The following ENTREP2 variants were observed in gnomAD, a reference collection of about 807,000 sequenced individuals.
ENTREP2 encodes the protein endosomal transmembrane epsin interactor 2, also known as protein ENTREP2.
At chr15:29,128,384 G>A in the ENTREP2 span, among the ~76,000 whole-genome samples, 2 of 152,132 alleles carry the variant, frequency 1.3e-5, no homozygotes, top group East Asian at 1.9e-4. Flanking sequence ...CCTGCCAGCC[G>A]CCCAGCCCAG....
At chr15:29,338,446 A>T in the ENTREP2 span, among the ~76,000 whole-genome samples, 1 of 151,696 alleles carries the variant, frequency 6.6e-6, no homozygotes, top group Non-Finnish European at 1.5e-5. Flanking sequence ...AAAAAAGAAA[A>T]GAAAAAAAAG....
chr15:29,652,616 C>T, the ENTREP2 span, among the ~76,000 whole-genome samples: 1 of 152,192 alleles, frequency 6.6e-6, no homozygotes, highest in African/African-American at 2.4e-5. Flanking sequence ...TTCTTGGAGT[C>T]TCTGAGCTTC....
At chr15:29,421,937 A>G in the ENTREP2 span, among the ~76,000 whole-genome samples, 3 of 152,186 alleles carry the variant, frequency 2.0e-5, no homozygotes, top group East Asian at 5.8e-4. Context: ...GCCAGATGCT[A>G]AAGACAGCAT....
chr15:29,567,783 C>A, the ENTREP2 span, among the ~76,000 whole-genome samples: 1 of 152,186 alleles, frequency 6.6e-6, no homozygotes, highest in Non-Finnish European at 1.5e-5. Context: ...AATTTTGTTT[C>A]TTAAATCCAG....
the ENTREP2 span, among the ~76,000 whole-genome samples, chr15:29,521,912 T>C: frequency 2.7e-3 from 405 of 152,268 alleles, 2 homozygotes; most frequent in Middle Eastern, 6.8e-3. Context: ...CAGTGTGGTG[T>C]TGGCATCAAG....
At chr15:29,468,788 A>AT in the ENTREP2 span, among the ~76,000 whole-genome samples, 32 of 152,118 alleles carry the variant, frequency 2.1e-4, no homozygotes, top group African/African-American at 7.0e-4. Flanking sequence ...CAACACATAC[A>AT]TTTTTAACAA....
the ENTREP2 span, among the ~76,000 whole-genome samples, chr15:29,335,110 G>A: frequency 2.0e-5 from 3 of 152,120 alleles, no homozygotes; most frequent in African/African-American, 7.2e-5. Context: ...GTCTGTCTCT[G>A]GGTCATCCTG....
At chr15:29,579,426 T>C in the ENTREP2 span, among the ~76,000 whole-genome samples, 30 of 152,156 alleles carry the variant, frequency 2.0e-4, no homozygotes, top group Admixed American at 7.2e-4. Flanking sequence ...AGTGGTAACC[T>C]GGACCATTCA....
At chr15:29,267,031 G>A in the ENTREP2 span, 4 of 152,358 alleles carry the variant, frequency 2.6e-5, no homozygotes, top group East Asian at 7.7e-4. Context: ...GCAGGAAGGA[G>A]TTTATACACT....
At chr15:29,589,721 T>C in the ENTREP2 span, among the ~76,000 whole-genome samples, 1 of 152,148 alleles carries the variant, frequency 6.6e-6, no homozygotes, top group African/African-American at 2.4e-5. Flanking sequence ...TTTGTCTGCG[T>C]CAGATTAGTC....
the ENTREP2 span, among the ~76,000 whole-genome samples, chr15:29,531,494 G>T: frequency 1.3e-5 from 2 of 152,148 alleles, no homozygotes; most frequent in Non-Finnish European, 2.9e-5. Flanking sequence ...AACATGAAGG[G>T]CAGCCCTGGG....
At chr15:29,342,123 T>C in the ENTREP2 span, among the ~76,000 whole-genome samples, 6 of 152,178 alleles carry the variant, frequency 3.9e-5, no homozygotes, top group Admixed American at 3.9e-4. Context: ...GAAGGTGCCC[T>C]GATTCTGGCT....
At chr15:29,341,665 G>T in the ENTREP2 span, among the ~76,000 whole-genome samples, 1 of 152,180 alleles carries the variant, frequency 6.6e-6, no homozygotes, top group Non-Finnish European at 1.5e-5. Flanking sequence ...GCTGCATCTT[G>T]TGTCAAGCGC....
At chr15:29,430,651 AAAAC>A in the ENTREP2 span, among the ~76,000 whole-genome samples, 13 of 147,290 alleles carry the variant, frequency 8.8e-5, no homozygotes, top group Non-Finnish European at 1.3e-4. Flanking sequence ...CTCCATCTCA[AAAAC>A]AAACAAACAA....
the ENTREP2 span, among the ~76,000 whole-genome samples, chr15:29,419,171 T>A: frequency 6.6e-6 from 1 of 152,096 alleles, no homozygotes; most frequent in South Asian, 2.1e-4. Flanking sequence ...CCAGATAATC[T>A]GGACAATAAA....
chr15:29,167,950 A>C, the ENTREP2 span, among the ~76,000 whole-genome samples: 1 of 152,220 alleles, frequency 6.6e-6, no homozygotes, highest in African/African-American at 2.4e-5. Flanking sequence ...TGAGTGGATA[A>C]AGGAACGGTG....
the ENTREP2 span, among the ~76,000 whole-genome samples, chr15:29,343,029 G>GGGGC: frequency 3.9e-5 from 5 of 129,562 alleles, no homozygotes; most frequent in South Asian, 2.3e-4. Context: ...AAAAGGAATG[G>GGGGC]GGGGGGTGGT....
At chr15:29,287,398 G>GAAAAAAAAAAAAAAAAAAAAAAAAA in the ENTREP2 span, among the ~76,000 whole-genome samples, 1 of 124,146 alleles carries the variant, frequency 8.1e-6, no homozygotes. Context: ...AAAAAAAAAA[G>GAAAAAAAAAAAAAAAAAAAAAAAAA]AAAAAAAAAA....
chr15:29,160,319 G>C, the ENTREP2 span, among the ~76,000 whole-genome samples: 1 of 152,170 alleles, frequency 6.6e-6, no homozygotes, highest in East Asian at 1.9e-4. Context: ...CCAGAAAGGG[G>C]CTCCCACAGT....
Sources: allele counts gnomAD v4.1 joint callset (sites outside exome capture counted in the v4.1 genomes callset), GRCh38; gene constraint gnomAD v4.1.1; transcripts MANE v1.5; gene names NCBI Gene and HGNC (gene_info 2026-07-23, HGNC 2026-07-21).